The following ADAMTS16 variants were observed in gnomAD, a reference collection of about 807,000 sequenced individuals.
ADAMTS16 encodes ADAM metallopeptidase with thrombospondin type 1 motif 16, also known as A disintegrin and metalloproteinase with thrombospondin motifs 16.
ADAMTS16 carries 94 observed loss-of-function variants against 145.8 expected under a neutral mutation model. That is an observed-to-expected ratio of 0.64 (90% confidence interval 0.55 to 0.77). ADAMTS16 has a LOEUF of 0.77. ADAMTS16 is among the 30% of genes least tolerant of loss of function. The pLI is 0.00. For synonymous variants in ADAMTS16, 659 were observed against 604.3 expected (o/e 1.09, Z -1.33); for missense variants, 1,585 against 1,591.5 (o/e 1.00, Z 0.07).
At chr5:5,195,137 T>C (rs1735766872) in intron 8 of ADAMTS16, among the ~76,000 whole-genome samples, 1 of 152,090 alleles carries the variant, frequency 6.6e-6, no homozygotes. Flanking sequence ...TTTGGATTTG[T>C]GTTGGAAAGA....
intron 18 of ADAMTS16, among the ~76,000 whole-genome samples, chr5:5,270,347 G>A (rs147860018): frequency 2.0e-5 from 3 of 152,314 alleles, no homozygotes; most frequent in East Asian, 1.9e-4. Context: ...GGCGCTGGGC[G>A]GCATTGCACC....
intron 3 of ADAMTS16, among the ~76,000 whole-genome samples, chr5:5,163,366 G>C (rs542510977): frequency 1.3e-5 from 2 of 152,108 alleles, no homozygotes; most frequent in African/African-American, 2.4e-5. Flanking sequence ...TGTGGTTACC[G>C]CATCATCTGA....
At chr5:5,168,200 A>G (rs1383761015) in intron 3 of ADAMTS16, among the ~76,000 whole-genome samples, 1 of 152,064 alleles carries the variant, frequency 6.6e-6, no homozygotes, top group African/African-American at 2.4e-5. Flanking sequence ...AATCTCAGTC[A>G]TATATCATCT....
intron 10 of ADAMTS16, among the ~76,000 whole-genome samples, chr5:5,216,513 G>T (rs1335041902): frequency 1.3e-5 from 2 of 151,790 alleles, no homozygotes; most frequent in African/African-American, 4.8e-5. Flanking sequence ...TTTGCCACGT[G>T]AAAGCTCTTT....
Position 5,209,176 on chromosome 5 carries a change from A to G in ADAMTS16, c.1535A>G (p.Tyr512Cys), listed in dbSNP as rs1736209585. 1 of 1,613,990 alleles carries G rather than the reference A, an allele frequency of 6.2e-7. No individual in the cohort carries two copies. Among genetic ancestry groups the G allele is most frequent in the African/African-American group, 1.3e-5 (1 of 74,946 alleles). Residue 512 changes from tyrosine (Y) to cysteine (C), a missense_variant, in exon 10 of 23, where the codon TAT becomes TGT. Tyr to Cys is a radical substitution (Grantham distance 194). Around this residue, in one of 3 missense-constraint regions of ADAMTS16, gnomAD observed 298 missense variants for 367.6 expected, o/e 0.81. Coordinates refer to ENST00000274181, the MANE Select transcript of ADAMTS16 (RefSeq NM_139056.4). ...CCTGAGAAATTGCCAGGAGAATTAT[A>G]TGATGCAAACACACAGTGCAAGTGG... ...KYPEKLPGEL[Y>C]DANTQCKWQF...
intron 9 of ADAMTS16, among the ~76,000 whole-genome samples, chr5:5,202,737 C>T (rs561349834): frequency 1.3e-5 from 2 of 152,234 alleles, no homozygotes; most frequent in South Asian, 4.1e-4. Flanking sequence ...GATACAGTAA[C>T]ACTTTTTCTA....
chr5:5,266,729 C>T (rs1738252080), intron 18 of ADAMTS16, among the ~76,000 whole-genome samples: 1 of 152,160 alleles, frequency 6.6e-6, no homozygotes, highest in African/African-American at 2.4e-5. Context: ...CTGGTGTTAC[C>T]CATACTTCTT....
chr5:5,202,090 A>C lies in ADAMTS16; in HGVS notation c.1451+1821A>C, dbSNP rs530400785. On this transcript the variant is annotated intron_variant, in intron 9 of 22. Transcript: ENST00000274181. ...CTGGTGGTCTGTTGCCCCAGGGCTC[A>C]CCTGGGGCTGGATTGCCCCTATGGC... Among the ~76,000 whole-genome samples the C allele has an allele frequency of 3.6e-4, 55 of 152,200 alleles. 1 individual carries two copies. The East Asian group carries it at 6.2e-3, about 17-fold the overall frequency.
At chr5:5,188,757 G>C (rs1266567141) in intron 6 of ADAMTS16, among the ~76,000 whole-genome samples, 1 of 152,176 alleles carries the variant, frequency 6.6e-6, no homozygotes, top group Non-Finnish European at 1.5e-5. Context: ...GGGCATGTGT[G>C]GACAGGGCTA....
intron 5 of ADAMTS16, 128 bp from the exon 6 acceptor site, chr5:5,187,597 C>T (rs1735540961): frequency 1.4e-6 from 1 of 698,952 alleles, no homozygotes; most frequent in Non-Finnish European, 2.6e-6. Flanking sequence ...CATCTGTCTG[C>T]CTAGCAATAC....
At chr5:5,305,127 CACCACACACACACAT>C in intron 20 of ADAMTS16, among the ~76,000 whole-genome samples, 3 of 56,588 alleles carry the variant, frequency 5.3e-5, no homozygotes, top group Non-Finnish European at 1.2e-4. Context: ...ACACACCCCA[CACCACACACACACAT>C]CCCACACCAC....
chr5:5,308,439 A>G (rs1740275973), intron 21 of ADAMTS16, among the ~76,000 whole-genome samples: 1 of 152,158 alleles, frequency 6.6e-6, no homozygotes, highest in South Asian at 2.1e-4. Flanking sequence ...TCTTCAGGCC[A>G]ACCTGTTCTG....
At chr5:5,159,963 T>C (rs1043133378) in intron 3 of ADAMTS16, among the ~76,000 whole-genome samples, 2 of 152,212 alleles carry the variant, frequency 1.3e-5, no homozygotes, top group African/African-American at 2.4e-5. Context: ...AGAGATGACC[T>C]AACTGAAGAT....
chr5:5,235,186 G>A lies in ADAMTS16; in HGVS notation c.2023G>A (p.Asp675Asn). 6.4e-7 allele frequency: 1 copy of A among 1,561,836 alleles called. No homozygotes were observed. Among genetic ancestry groups the A allele is most frequent in the Non-Finnish European group, 8.7e-7 (1 of 1,143,324 alleles). ...GTGGAAGCCTTACACTCAAGTAGAA[G>A]GTAAATCTCAAACTGCTTTCGGGTA... is the stretch of plus-strand genomic sequence containing the variant. ...YKWKPYTQVE[D>N]QDLCKLYCIA... is the part of the protein sequence containing the mutation. Residue 675 changes from aspartate (D) to asparagine (N), a missense_variant and splice_region_variant, in exon 13 of 23, where the codon GAT becomes AAT. Transcript: ENST00000274181.
At chr5:5,219,993 A>C (rs187170086) in intron 10 of ADAMTS16, among the ~76,000 whole-genome samples, 293 of 152,210 alleles carry the variant, frequency 1.9e-3, no homozygotes, top group Non-Finnish European at 2.9e-3. Flanking sequence ...CGATTTCCTG[A>C]TTCTTGCTAA....
At chr5:5,301,730 G>A (rs1158052584) in intron 18 of ADAMTS16, among the ~76,000 whole-genome samples, 1 of 152,214 alleles carries the variant, frequency 6.6e-6, no homozygotes, top group African/African-American at 2.4e-5. Flanking sequence ...AGAAGCCTGA[G>A]CATCTTCACA....
rs941128919 is a variant in ADAMTS16 at position 5,310,757 on chromosome 5, G to A, written c.3411+4029G>A. On this transcript the variant is annotated intron_variant, in intron 21 of 22. Coordinates refer to ENST00000274181, the MANE Select transcript of ADAMTS16 (RefSeq NM_139056.4). This position sits in a 1 kb window ranked among gnomAD's most constrained non-coding sequence, Gnocchi z 4.3. Reference sequence around the variant, plus strand: ...CATACCTTAATTTTGGATTTCTGGCGTCCTAAACTGTGAAAGAATAAATTT... The same window carrying A: ...CATACCTTAATTTTGGATTTCTGGCATCCTAAACTGTGAAAGAATAAATTT... 1.6e-4 allele frequency among the ~76,000 whole-genome samples: 25 copies of A among 152,292 alleles called. No homozygotes were observed. The East Asian group carries it at 1.7e-3, about 11-fold the overall frequency.
chr5:5,224,580 C>G lies in ADAMTS16; in HGVS notation c.1701+1696C>G, dbSNP rs529587411. Among the ~76,000 whole-genome samples the G allele has an allele frequency of 1.3e-4, 20 of 152,282 alleles. No individual in the cohort carries two copies. In the South Asian group the frequency reaches 3.9e-3, roughly 30 times the overall value. On this transcript the variant is annotated intron_variant, in intron 11 of 22. Transcript: ENST00000274181. ...CTGGGATTACAGGTGTGAGCCACCA[C>G]ATCCGGCCAACTGCTTTCAGTTTCT...
chr5:5,287,683 T>A (rs1013126571), intron 18 of ADAMTS16, among the ~76,000 whole-genome samples: 1 of 152,220 alleles, frequency 6.6e-6, no homozygotes, highest in Non-Finnish European at 1.5e-5. Context: ...TCACGGACGG[T>A]GTCAGCTTGC....
Sources: allele counts gnomAD v4.1 joint callset (sites outside exome capture counted in the v4.1 genomes callset), GRCh38; gene constraint gnomAD v4.1.1; regional missense constraint gnomAD v4.1.1; non-coding constraint Gnocchi (gnomAD v3.1); transcripts MANE v1.5; gene names NCBI Gene and HGNC (gene_info 2026-07-23, HGNC 2026-07-21).